The following TBCD variants were observed in gnomAD, a reference collection of about 807,000 sequenced individuals.
The protein encoded by TBCD is tubulin-specific chaperone D.
A neutral mutation model predicts 169.3 loss-of-function variants in TBCD; 105 were observed. That is an observed-to-expected ratio of 0.62 (90% CI 0.53 to 0.73). The LOEUF is 0.73. Ranked by LOEUF, TBCD falls within the 30% of genes least tolerant of loss-of-function variation. The probability of loss-of-function intolerance (pLI) is 0.00; values close to 1 mark genes in which losing one functional copy is unlikely to be tolerated. For synonymous variants in TBCD, 700 were observed against 643.9 expected (o/e 1.09, Z -1.32); for missense variants, 1,444 against 1,600.1 (o/e 0.90, Z 1.66).
At chr17:82,873,299 G>T (rs561081861) in intron 14 of TBCD, among the ~76,000 whole-genome samples, 1 of 152,358 alleles carries the variant, frequency 6.6e-6, no homozygotes, top group South Asian at 2.1e-4. Flanking sequence ...CACAGGAGGA[G>T]TCGGGCCAGG....
intron 2 of TBCD, among the ~76,000 whole-genome samples, chr17:82,758,239 A>T (rs975004200): frequency 2.0e-5 from 3 of 151,458 alleles, no homozygotes; most frequent in Non-Finnish European, 2.9e-5. Flanking sequence ...AAATGCAAAA[A>T]TTAGCCGCGT....
In TBCD at chr17:82,923,095, A is replaced by G. The variant is rs1440135192; in HGVS notation, c.2179-557A>G. ...CGCCCCCGGAGCCCTGTCTCTCTAAATGAGGCTGACGTGGCTTGGCCTGAA... is the reference window on the plus strand; with the variant it reads ...CGCCCCCGGAGCCCTGTCTCTCTAAGTGAGGCTGACGTGGCTTGGCCTGAA... On this transcript the variant is annotated intron_variant, in intron 25 of 38. Transcript: ENST00000355528. The surrounding 1 kb of genome is among the most constrained non-coding windows in gnomAD (Gnocchi z 4.6). Among the ~76,000 whole-genome samples, 1 of 152,068 alleles carries G rather than the reference A, an allele frequency of 6.6e-6. No homozygotes were observed. The highest frequency in any genetic ancestry group is 1.5e-5 in the Non-Finnish European group (1 of 68,008).
At chr17:82,925,802 G>C (rs1779518849) in intron 27 of TBCD, among the ~76,000 whole-genome samples, 1 of 152,222 alleles carries the variant, frequency 6.6e-6, no homozygotes, top group Admixed American at 6.5e-5. Context: ...TCGGGACCCA[G>C]CAGCTTCCTT....
chr17:82,782,916 G>A lies in TBCD; in HGVS notation c.771+1195G>A, dbSNP rs1415205859. Reference sequence around the variant, plus strand: ...GCGTTGTCTTCCTGTCTGCGGTGTCGTCTTCCTGTCCATGGCGGCCTCCTG... The same window carrying A: ...GCGTTGTCTTCCTGTCTGCGGTGTCATCTTCCTGTCCATGGCGGCCTCCTG... On this transcript the variant is annotated intron_variant, in intron 7 of 38. Coordinates refer to ENST00000355528, the MANE Select transcript of TBCD (RefSeq NM_005993.5). The surrounding 1 kb of genome is among the most constrained non-coding windows in gnomAD (Gnocchi z 5.1). Among the ~76,000 whole-genome samples, 1 of 150,730 alleles carries A rather than the reference G, an allele frequency of 6.6e-6. No individual in the cohort carries two copies. The highest frequency in any genetic ancestry group is 2.4e-5 in the African/African-American group (1 of 40,880).
At chr17:82,868,108 C>T (rs112985862) in intron 13 of TBCD, among the ~76,000 whole-genome samples, 18 of 152,250 alleles carry the variant, frequency 1.2e-4, no homozygotes, top group African/African-American at 3.4e-4. Flanking sequence ...CCTGTAGAGG[C>T]GTGGCTGCCG....
At position 82,874,685 on chromosome 17, in the gene TBCD, C is replaced by T. The variant is rs779669423; in HGVS notation, c.1475+4305C>T. 1.2e-4 allele frequency among the ~76,000 whole-genome samples: 19 copies of T among 152,304 alleles called. No homozygotes were observed. The highest frequency in any genetic ancestry group is 4.1e-4 in the South Asian group (2 of 4,826). On this transcript the variant is annotated intron_variant, in intron 14 of 38. Coordinates refer to ENST00000355528, the MANE Select transcript of TBCD (RefSeq NM_005993.5). The surrounding 1 kb of genome is among the most constrained non-coding windows in gnomAD (Gnocchi z 5.0). ...CGCAGACTCCAGGCATCCGGCCGGG[C>T]GGGCTGTGAGTCAGGCTGCACCAGG...
rs2062104693 is a variant in TBCD at position 82,930,460 on chromosome 17, C to G, written c.2992-62C>G. 3 of 1,585,370 alleles carry G rather than the reference C, an allele frequency of 1.9e-6. No homozygotes were observed. Among genetic ancestry groups the G allele is most frequent in the African/African-American group, 1.3e-5 (1 of 74,514 alleles). ...CAGCAGATGCTTGACCGGCTGTAGC[C>G]AAGCCTGAGGGGTGGCAGGCTCGGG... is the stretch of plus-strand genomic sequence containing the variant. On this transcript the variant is annotated intron_variant, in intron 32 of 38. Coordinates refer to ENST00000355528, the MANE Select transcript of TBCD (RefSeq NM_005993.5). This position sits in a 1 kb window ranked among gnomAD's most constrained non-coding sequence, Gnocchi z 5.2.
At chr17:82,797,664 G>T (rs975496235) in intron 7 of TBCD, 93 bp from the exon 8 acceptor site, 2 of 966,784 alleles carry the variant, frequency 2.1e-6, no homozygotes, top group African/African-American at 3.4e-5. Flanking sequence ...TAAAAATTCT[G>T]AAAGATGTGA....
chr17:82,824,781 C>G (rs564616865), intron 13 of TBCD, among the ~76,000 whole-genome samples: 1 of 152,234 alleles, frequency 6.6e-6, no homozygotes, highest in South Asian at 2.1e-4. Flanking sequence ...TTTTTAGTTC[C>G]TTTGGGTATA....
chr17:82,895,696 C>T (rs912495730), intron 17 of TBCD: 9 of 152,154 alleles, frequency 5.9e-5, no homozygotes, highest in African/African-American at 2.2e-4. Context: ...GGCATCACTC[C>T]GCAGGTGGAG....
chr17:82,761,749 T>C (rs2047768451), intron 2 of TBCD, among the ~76,000 whole-genome samples: 1 of 151,626 alleles, frequency 6.6e-6, no homozygotes, highest in South Asian at 2.1e-4. Flanking sequence ...GGAGTCTTGG[T>C]CTGTTGCCCA....
At chr17:82,910,890 G>C (rs2060593015) in intron 22 of TBCD, among the ~76,000 whole-genome samples, 1 of 152,208 alleles carries the variant, frequency 6.6e-6, no homozygotes, top group African/African-American at 2.4e-5. Flanking sequence ...ACTGGGACTT[G>C]TGTGGGGTAG....
Position 82,806,547 on chromosome 17 carries a change from C to T in TBCD, c.1087+536C>T, listed in dbSNP as rs971285235. On this transcript the variant is annotated intron_variant, in intron 10 of 38. Coordinates refer to ENST00000355528, the MANE Select transcript of TBCD (RefSeq NM_005993.5). The surrounding 1 kb of genome is among the most constrained non-coding windows in gnomAD (Gnocchi z 5.1). ...GCTCCTGTCCACACACTGTCCTGCC[C>T]TCCTGCCGCGGTTGGATGAAGTCTT... Among the ~76,000 whole-genome samples, 1 of 152,148 alleles carries T rather than the reference C, an allele frequency of 6.6e-6. No individual in the cohort carries two copies. Among genetic ancestry groups the T allele is most frequent in the Non-Finnish European group, 1.5e-5 (1 of 68,014 alleles).
intron 35 of TBCD, chr17:82,937,843 CA>C: frequency 6.7e-7 from 1 of 1,492,140 alleles, no homozygotes; most frequent in South Asian, 1.3e-5. Flanking sequence ...TCACTTCCCA[CA>C]GTGACTTTCC....
In TBCD at chr17:82,929,247, G is replaced by A. The variant is rs8072406; in HGVS notation, c.2828G>A (p.Gly943Glu). Residue 943 changes from glycine (G) to glutamate (E), a missense_variant, in exon 31 of 39, where the codon GGA becomes GAA. By Grantham distance (98) the Gly-to-Glu change is moderately conservative (BLOSUM62 -2). Coordinates refer to ENST00000355528, the MANE Select transcript of TBCD (RefSeq NM_005993.5). ...CCCATCCCCCACGTGCCCCACCGAGGAGAACTGGAAAAGCTGTTTCCCAGG... is the reference window on the plus strand; with the variant it reads ...CCCATCCCCCACGTGCCCCACCGAGAAGAACTGGAAAAGCTGTTTCCCAGG... ...SPPIPHVPHR[G>E]ELEKLFPRSD... 6.2e-7 allele frequency: 1 copy of A among 1,613,860 alleles called. No individual in the cohort carries two copies. Among genetic ancestry groups the A allele is most frequent in the African/African-American group, 1.3e-5 (1 of 74,986 alleles).
rs755197813 is a variant in TBCD at position 82,752,326 on chromosome 17, G to A, written c.133G>A (p.Glu45Lys). The change falls in exon 1 of 39, where the codon GAG becomes AAG. Residue 45 changes from glutamate (E) to lysine (K), a missense_variant. Coordinates refer to ENST00000355528, the MANE Select transcript of TBCD (RefSeq NM_005993.5). ...CCGGGCGCTGCTGGGCCGCCTGCGG[G>A]AGGTGCACGGCGGCGGCGCGGAGCG... ...ETRALLGRLR[E>K]VHGGGAEREV... The A allele has an allele frequency of 2.7e-6, 4 of 1,466,818 alleles. No individual in the cohort carries two copies. Among genetic ancestry groups the A allele is most frequent in the Non-Finnish European group, 3.6e-6 (4 of 1,119,028 alleles). 90.9% of individuals were successfully genotyped at this position (1,466,818 alleles called of 1,614,324 possible).
At chr17:82,877,950 C>T (rs913233185) in intron 14 of TBCD, among the ~76,000 whole-genome samples, 5 of 152,200 alleles carry the variant, frequency 3.3e-5, no homozygotes, top group African/African-American at 1.2e-4. Flanking sequence ...CAGAAAGTTT[C>T]CCAGATACTA....
At chr17:82,857,685 AT>A (rs1194230501) in intron 13 of TBCD, among the ~76,000 whole-genome samples, 14 of 148,748 alleles carry the variant, frequency 9.4e-5, no homozygotes, top group African/African-American at 3.0e-4. Context: ...TCGGAGTGTT[AT>A]TACTTGGCAT....
rs1429189682 is a variant in TBCD at position 82,855,252 on chromosome 17, TTTTTTTTTTTTTTTTTTTTA to T, written c.1319-14971_1319-14952del. On this transcript the variant is annotated intron_variant, in intron 13 of 38. Transcript: ENST00000355528. Reference sequence around the variant, plus strand: ...GGTGTTTGCTTTTTTTTTTTTTTTTTTTTTTTTTTTTTTTTTTTTAATTTTTTAGAGCCAGGGTCACTCTG... The same window carrying T: ...GGTGTTTGCTTTTTTTTTTTTTTTTTATTTTTTAGAGCCAGGGTCACTCTG... 3.4e-3 allele frequency among the ~76,000 whole-genome samples: 440 copies of T among 128,776 alleles called. 4 individuals are homozygous for T. Among genetic ancestry groups the T allele is most frequent in the African/African-American group, 0.014 (425 of 30,062 alleles). 84.5% of individuals were successfully genotyped at this position (128,776 alleles called of 152,430 possible).
Sources: gnomAD v4.1 joint callset for allele counts (sites outside exome capture counted in the v4.1 genomes callset) on GRCh38, gnomAD v4.1.1 for gene constraint, Gnocchi (gnomAD v3.1) non-coding constraint, MANE v1.5 for transcripts, NCBI Gene and HGNC (gene_info 2026-07-23, HGNC 2026-07-21) for gene names.